Variants in ANP32B observed in about 807,000 individuals in gnomAD.
ANP32B encodes the protein acidic nuclear phosphoprotein 32 family member B, also known as acidic leucine-rich nuclear phosphoprotein 32 family member B.
ANP32B carries 6 observed loss-of-function variants against 32.2 expected under a neutral mutation model. The observed-to-expected ratio is 0.19, with a 90% CI of 0.10 to 0.37. ANP32B has a LOEUF of 0.37. Among genes scored for constraint, ANP32B ranks in the 10% least tolerant of loss-of-function variants. The pLI is 1.00. For missense variants in ANP32B, 204 were observed against 289.2 expected, an observed-to-expected ratio of 0.71 and a Z score of 2.14; for synonymous variants, 98 against 105.8, an observed-to-expected ratio of 0.93 and a Z score of 0.45.
chr9:97,991,523 A>G (rs1020361958), intron 1 of ANP32B, among the ~76,000 whole-genome samples: 1 of 152,172 alleles, frequency 6.6e-6, no homozygotes, highest in African/African-American at 2.4e-5. Context: ...GGTAAAAAAA[A>G]TAGAAGATAT....
chr9:97,985,434 C>T (rs1252695928), intron 1 of ANP32B, among the ~76,000 whole-genome samples: 1 of 152,188 alleles, frequency 6.6e-6, no homozygotes, highest in Non-Finnish European at 1.5e-5. Context: ...TTCTTCCGAC[C>T]TTCCGTCAGA....
intron 1 of ANP32B, among the ~76,000 whole-genome samples, chr9:97,989,296 G>GA (rs1827787003): frequency 6.6e-6 from 1 of 152,142 alleles, no homozygotes; most frequent in African/African-American, 2.4e-5. Context: ...ATTTTTCAAT[G>GA]AAAAAGTAGT....
chr9:98,008,261 C>G (rs1204022321), intron 4 of ANP32B, among the ~76,000 whole-genome samples: 1 of 152,194 alleles, frequency 6.6e-6, no homozygotes, highest in Non-Finnish European at 1.5e-5. Context: ...GGATTTTTGA[C>G]ATGTTTCAAA....
intron 4 of ANP32B, among the ~76,000 whole-genome samples, chr9:98,010,734 C>T (rs1828169072): frequency 6.6e-6 from 1 of 152,140 alleles, no homozygotes; most frequent in Non-Finnish European, 1.5e-5. Flanking sequence ...AGGTGCCTCT[C>T]AGCCTCCTGT....
chr9:97,984,984 C>A (rs1564134153), intron 1 of ANP32B, among the ~76,000 whole-genome samples: 1 of 150,784 alleles, frequency 6.6e-6, no homozygotes, highest in South Asian at 2.1e-4. Flanking sequence ...CCTCTTGCGG[C>A]GCGGCTGCGT....
intron 1 of ANP32B, among the ~76,000 whole-genome samples, chr9:97,991,842 T>C (rs534440139): frequency 4.6e-5 from 7 of 152,308 alleles, no homozygotes; most frequent in Admixed American, 4.6e-4. Context: ...TGTAAAGTGA[T>C]TTATAATATA....
chr9:97,994,508 T>C (rs1004097972), intron 1 of ANP32B, 123 bp from the exon 2 acceptor site: 2 of 860,626 alleles, frequency 2.3e-6, no homozygotes, highest in Non-Finnish European at 3.6e-6. Flanking sequence ...GATCTAGGTC[T>C]AAGTAAGAGG....
At chr9:97,985,322 C>CGCGGG (rs750044763) in intron 1 of ANP32B, among the ~76,000 whole-genome samples, 5 of 151,966 alleles carry the variant, frequency 3.3e-5, no homozygotes, top group Non-Finnish European at 5.9e-5. Context: ...TCACCACTAA[C>CGCGGG]GCGGGGCGGG....
At chr9:97,984,156 G>A (rs1400014551) in intron 1 of ANP32B, among the ~76,000 whole-genome samples, 3 of 150,446 alleles carry the variant, frequency 2.0e-5, no homozygotes, top group African/African-American at 7.3e-5. Context: ...GGGCGAGGAG[G>A]GGGCTTTTTT....
intron 1 of ANP32B, among the ~76,000 whole-genome samples, chr9:97,985,637 G>A (rs550322457): frequency 8.5e-5 from 13 of 152,306 alleles, no homozygotes; most frequent in Non-Finnish European, 1.3e-4. Context: ...TCAGAAATGC[G>A]TTAAAATCTA....
Position 97,983,357 on chromosome 9 carries a change from T to C in ANP32B, c.-199T>C, listed in dbSNP as rs1827626246. 1 of 532,366 alleles carries C rather than the reference T, an allele frequency of 1.9e-6. No individual in the cohort carries two copies. The highest frequency in any genetic ancestry group is 2.1e-5 in the African/African-American group (1 of 48,154). The allele number at this position is 532,366 out of a possible 1,614,324, so 33.0% of individuals were successfully genotyped here. A position where few individuals can be genotyped will look rare whatever the true frequency, so the allele number is the denominator to read the frequency against. On this transcript the variant is annotated 5_prime_UTR_variant, in exon 1 of 7. Transcript: ENST00000339399. ...TCCAGCCCCCTTTTCCCTCCATGGT[T>C]TCTCTCCGCTCCCGTGAGTAACTTG...
At chr9:98,014,357 G>A (rs1307407705) in intron 6 of ANP32B, among the ~76,000 whole-genome samples, 1 of 151,094 alleles carries the variant, frequency 6.6e-6, no homozygotes, top group Admixed American at 6.6e-5. Flanking sequence ...GCAGTGAGCC[G>A]AGATCAAGCC....
intron 1 of ANP32B, among the ~76,000 whole-genome samples, chr9:97,988,353 C>G (rs1827771861): frequency 6.6e-6 from 1 of 151,942 alleles, no homozygotes; most frequent in Admixed American, 6.6e-5. Flanking sequence ...CTTTAAATAC[C>G]CACCAGTAGA....
chr9:97,996,195 T>G (rs1587874115), intron 2 of ANP32B, among the ~76,000 whole-genome samples: 1 of 152,200 alleles, frequency 6.6e-6, no homozygotes, highest in South Asian at 2.1e-4. Context: ...CTTTTTAGCA[T>G]CTATTTACAT....
At chr9:97,985,072 C>T (rs1270858405) in intron 1 of ANP32B, among the ~76,000 whole-genome samples, 1 of 150,194 alleles carries the variant, frequency 6.7e-6, no homozygotes, top group Non-Finnish European at 1.5e-5. Flanking sequence ...GCGAGCCCCC[C>T]CCCCGCCGCG....
At chr9:97,989,494 G>T (rs1187080109) in intron 1 of ANP32B, among the ~76,000 whole-genome samples, 1 of 152,110 alleles carries the variant, frequency 6.6e-6, no homozygotes, top group Admixed American at 6.5e-5. Flanking sequence ...TCAAGCAGAA[G>T]GCCAGTTAAC....
At position 98,015,709 on chromosome 9, in the gene ANP32B, A is replaced by AT; in HGVS notation, c.*280dup. 1 of 1,074,868 alleles carries AT rather than the reference A, an allele frequency of 9.3e-7. No individual in the cohort carries two copies. Among genetic ancestry groups the AT allele is most frequent in the African/African-American group, 1.6e-5 (1 of 60,740 alleles). 66.6% of individuals were successfully genotyped at this position (1,074,868 alleles called of 1,614,324 possible). ...TCTTGCTGTAGCGTGGATAGCTGTG[A>AT]TTGGTGAGTCAACCGTCTGTGGCTA... On this transcript the variant is annotated 3_prime_UTR_variant, in exon 7 of 7. Transcript: ENST00000339399.
intron 2 of ANP32B, among the ~76,000 whole-genome samples, chr9:97,995,739 G>A (rs1827892877): frequency 6.6e-6 from 1 of 151,900 alleles, no homozygotes; most frequent in Non-Finnish European, 1.5e-5. Context: ...TGGCCAACAT[G>A]GCAAAACCCC....
chr9:97,987,242 A>G (rs143729578), intron 1 of ANP32B, among the ~76,000 whole-genome samples: 2 of 141,568 alleles, frequency 1.4e-5, no homozygotes, highest in African/African-American at 5.0e-5. Context: ...ATAGTGGAAC[A>G]AAATGGCCTA....
Sources: allele counts gnomAD v4.1 joint callset (sites outside exome capture counted in the v4.1 genomes callset), GRCh38; gene constraint gnomAD v4.1.1; transcripts MANE v1.5; gene names NCBI Gene and HGNC (gene_info 2026-07-23, HGNC 2026-07-21).